The following RPS6KC1 variants were observed in gnomAD, a reference collection of about 807,000 sequenced individuals.
RPS6KC1 encodes the protein ribosomal protein S6 kinase C1.
RPS6KC1 carries 54 observed loss-of-function variants against 103.8 expected under a neutral mutation model. That is an observed-to-expected ratio of 0.52 (90% CI 0.42 to 0.65). The LOEUF is 0.65. Ranked by LOEUF, RPS6KC1 falls within the 30% of genes least tolerant of loss-of-function variation. The pLI is 0.00. For synonymous variants in RPS6KC1, 439 were observed against 438.7 expected (o/e 1.00, Z -0.01); for missense variants, 1,151 against 1,253.8 (o/e 0.92, Z 1.24).
the RPS6KC1 span, among the ~76,000 whole-genome samples, chr1:213,446,886 T>G: frequency 6.6e-6 from 1 of 152,194 alleles, no homozygotes; most frequent in Non-Finnish European, 1.5e-5. Context: ...GGATGTTTGT[T>G]TGCTATGAAA....
chr1:213,574,356 A>C, the RPS6KC1 span, among the ~76,000 whole-genome samples: 1 of 152,326 alleles, frequency 6.6e-6, no homozygotes, highest in Non-Finnish European at 1.5e-5. Context: ...GAAATGTTCA[A>C]TTGGTTATTC....
chr1:213,549,612 C>CTTTTTTTTTTTTTTTTTT, the RPS6KC1 span, among the ~76,000 whole-genome samples: 6 of 86,916 alleles, frequency 6.9e-5, no homozygotes, highest in African/African-American at 9.8e-5. Context: ...TTTTCTTTTC[C>CTTTTTTTTTTTTTTTTTT]TTTTTTTTTT....
chr1:213,626,559 G>GGTCTAACATTTAAGTTTTTAA, the RPS6KC1 span, among the ~76,000 whole-genome samples: 1 of 152,220 alleles, frequency 6.6e-6, no homozygotes, highest in Non-Finnish European at 1.5e-5. Context: ...TATGGTTTTA[G>GGTCTAACATTTAAGTTTTTAA]GTCTAACATT....
chr1:213,223,654 C>T (rs927381285), intron 8 of RPS6KC1, among the ~76,000 whole-genome samples: 1 of 152,140 alleles, frequency 6.6e-6, no homozygotes, highest in South Asian at 2.1e-4. Flanking sequence ...AGTTGCTAAT[C>T]GTGCTGCTAT....
At chr1:213,757,111 A>G in the RPS6KC1 span, among the ~76,000 whole-genome samples, 1 of 152,214 alleles carries the variant, frequency 6.6e-6, no homozygotes, top group Non-Finnish European at 1.5e-5. Context: ...TTTCTGAGAC[A>G]GAATATTAAA....
the RPS6KC1 span, among the ~76,000 whole-genome samples, chr1:213,603,821 C>G: frequency 1.3e-5 from 2 of 151,868 alleles, no homozygotes; most frequent in African/African-American, 4.8e-5. Context: ...GATTGCCCCA[C>G]TGTACTCCAG....
At chr1:213,291,643 G>A in the RPS6KC1 span, among the ~76,000 whole-genome samples, 2 of 152,206 alleles carry the variant, frequency 1.3e-5, no homozygotes, top group African/African-American at 4.8e-5. Context: ...CAAAGTCAGC[G>A]TGTTTGCAGC....
intron 3 of RPS6KC1, among the ~76,000 whole-genome samples, chr1:213,085,518 T>A (rs1347861875): frequency 2.0e-5 from 3 of 152,204 alleles, no homozygotes; most frequent in Admixed American, 1.3e-4. Flanking sequence ...ATTTGTAAGA[T>A]CATGAAAACA....
At chr1:213,857,891 C>T in the RPS6KC1 span, among the ~76,000 whole-genome samples, 14 of 152,294 alleles carry the variant, frequency 9.2e-5, no homozygotes, top group South Asian at 2.7e-3. Context: ...CCATCAGTCT[C>T]CCAAGGGTTT....
chr1:213,751,841 TA>T, the RPS6KC1 span, among the ~76,000 whole-genome samples: 1 of 152,182 alleles, frequency 6.6e-6, no homozygotes. Context: ...TCACATTACA[TA>T]GTGTCTGGTA....
chr1:213,843,179 T>C, the RPS6KC1 span, among the ~76,000 whole-genome samples: 3 of 152,220 alleles, frequency 2.0e-5, no homozygotes, highest in Non-Finnish European at 4.4e-5. Context: ...GCTGATTGGA[T>C]GAGATCCGCC....
the RPS6KC1 span, among the ~76,000 whole-genome samples, chr1:213,612,597 C>T: frequency 6.6e-6 from 1 of 152,216 alleles, no homozygotes; most frequent in Non-Finnish European, 1.5e-5. Context: ...TCAAGTGTCT[C>T]ACATGTGTAG....
chr1:213,241,463 G>A lies in RPS6KC1; in HGVS notation c.1987G>A (p.Gly663Ser). 1 of 1,613,916 alleles carries A rather than the reference G, an allele frequency of 6.2e-7. No homozygotes were observed. Among genetic ancestry groups the A allele is most frequent in the South Asian group, 1.1e-5 (1 of 91,068 alleles). The part of the protein sequence containing the change: ...EFKAQDTISR[G>S]SDDSVPVISF... ...TAAAGCTCAGGACACCATTAGCAGG[G>A]GCTCAGATGACTCAGTGCCAGTTAT... is the stretch of plus-strand genomic sequence containing the variant. Residue 663 changes from glycine (G) to serine (S), a missense_variant, in exon 11 of 15, where the codon GGC becomes AGC. Transcript: ENST00000366960.
the RPS6KC1 span, among the ~76,000 whole-genome samples, chr1:213,715,362 C>G: frequency 6.6e-6 from 1 of 152,194 alleles, no homozygotes; most frequent in East Asian, 1.9e-4. Flanking sequence ...GCGGGTAAGA[C>G]CATCTTTCTG....
At chr1:213,379,186 A>G in the RPS6KC1 span, among the ~76,000 whole-genome samples, 3 of 151,622 alleles carry the variant, frequency 2.0e-5, no homozygotes, top group Non-Finnish European at 4.4e-5. Flanking sequence ...TGGATCTTCA[A>G]TTGTTATAGA....
At chr1:213,164,707 T>G (rs1390862977) in intron 6 of RPS6KC1, among the ~76,000 whole-genome samples, 1 of 152,120 alleles carries the variant, frequency 6.6e-6, no homozygotes, top group Non-Finnish European at 1.5e-5. Context: ...GAACCACAGG[T>G]GCGCACCAAC....
At chr1:213,785,142 A>G in the RPS6KC1 span, among the ~76,000 whole-genome samples, 1 of 152,320 alleles carries the variant, frequency 6.6e-6, no homozygotes, top group African/African-American at 2.4e-5. Flanking sequence ...CTGTTTTATT[A>G]CACAGCATTG....
the RPS6KC1 span, among the ~76,000 whole-genome samples, chr1:213,599,482 CA>C: frequency 6.7e-6 from 1 of 149,712 alleles, no homozygotes; most frequent in Non-Finnish European, 1.5e-5. Context: ...GGGGGAAAAA[CA>C]TTCATGGCAA....
At chr1:213,764,301 A>G in the RPS6KC1 span, among the ~76,000 whole-genome samples, 2 of 152,136 alleles carry the variant, frequency 1.3e-5, no homozygotes. Flanking sequence ...ACAGTGGCCC[A>G]GGGCAGTCAG....
Sources: allele counts gnomAD v4.1 joint callset (sites outside exome capture counted in the v4.1 genomes callset), GRCh38; gene constraint gnomAD v4.1.1; transcripts MANE v1.5; gene names NCBI Gene and HGNC (gene_info 2026-07-23, HGNC 2026-07-21).